GLTP: variants seen among roughly 807,000 people sequenced by gnomAD.
The protein encoded by GLTP is glycolipid transfer protein.
A neutral mutation model predicts 24.0 loss-of-function variants in GLTP; 22 were observed. That is an observed-to-expected ratio of 0.92 (90% CI 0.65 to 1.31). GLTP has a LOEUF of 1.31. GLTP is among the 50% of genes most tolerant of loss of function. GLTP has a pLI of 0.00. For synonymous variants in GLTP, 92 were observed against 115.9 expected (o/e 0.79, Z 1.33); for missense variants, 224 against 276.6 (o/e 0.81, Z 1.35).
intron 1 of GLTP, among the ~76,000 whole-genome samples, chr12:109,879,122 T>C (rs1318309893): frequency 6.6e-6 from 1 of 152,088 alleles, no homozygotes; most frequent in African/African-American, 2.4e-5. Flanking sequence ...ACCACAACCA[T>C]CCCAGAGCTC....
chr12:109,873,290 G>A (rs1868784309), intron 1 of GLTP, among the ~76,000 whole-genome samples: 1 of 152,142 alleles, frequency 6.6e-6, no homozygotes. Context: ...CAGATCAAGG[G>A]GTACAGGTGG....
intron 1 of GLTP, among the ~76,000 whole-genome samples, chr12:109,862,750 T>TA (rs944439783): frequency 7.2e-6 from 1 of 137,956 alleles, no homozygotes; most frequent in African/African-American, 3.1e-5. Context: ...ACTCCATCTC[T>TA]AAAAAAAAAT....
At chr12:109,876,224 T>C (rs1006595852) in intron 1 of GLTP, among the ~76,000 whole-genome samples, 4 of 152,068 alleles carry the variant, frequency 2.6e-5, no homozygotes, top group African/African-American at 9.7e-5. Flanking sequence ...GTGCCTGTAA[T>C]CCCAGCTACT....
chr12:109,852,528 C>T lies in GLTP; in HGVS notation c.*27G>A, dbSNP rs369749747. 15 of 1,499,636 alleles carry T rather than the reference C, an allele frequency of 1.0e-5. No homozygotes were observed. In the Middle Eastern group the frequency reaches 6.2e-4, roughly 62 times the overall value. 92.9% of individuals were successfully genotyped at this position (1,499,636 alleles called of 1,614,324 possible). A position where few individuals can be genotyped will look rare whatever the true frequency, so the allele number is the denominator to read the frequency against. ...CCTGTTTCTCCATGTGGCCACGAGT[C>T]GGGGACGTGTCCAGCAGTGGGCATG... On this transcript the variant is annotated 3_prime_UTR_variant, in exon 5 of 5. Transcript: ENST00000318348.
At chr12:109,865,581 T>C (rs1168505631) in intron 1 of GLTP, among the ~76,000 whole-genome samples, 1 of 151,694 alleles carries the variant, frequency 6.6e-6, no homozygotes, top group Non-Finnish European at 1.5e-5. Context: ...TGAGTTGAGA[T>C]TGCGCGTGAG....
Position 109,880,331 on chromosome 12 carries a change from T to C in GLTP, c.44A>G (p.Asp15Gly). Residue 15 changes from aspartate (D) to glycine (G), a missense_variant, in exon 1 of 5, where the codon GAC (aspartate) becomes GGC (glycine). Physicochemically the swap from Asp to Gly is moderately conservative, Grantham distance 94 (BLOSUM62 -1). Coordinates refer to ENST00000318348, the MANE Select transcript of GLTP (RefSeq NM_016433.4). The surrounding 1 kb of genome is among the most constrained non-coding windows in gnomAD (Gnocchi z 5.1). ...AEHLLKPLPA[D>G]KQIETGPFLE... is the part of the protein sequence containing the mutation. ...GAAGGGCCCGGTCTCGATCTGCTTG[T>C]CCGCGGGCAGCGGCTTCAGCAAGTG... 4.4e-6 allele frequency: 7 copies of C among 1,578,950 alleles called. No homozygotes were observed. The highest frequency in any genetic ancestry group is 5.2e-6 in the Non-Finnish European group (6 of 1,161,842).
chr12:109,857,739 C>G lies in GLTP; in HGVS notation c.163-80G>C. Reference sequence around the variant, plus strand: ...GGCCCGCACGCTGGGTGAAAAGCACCCTACCGGCATCTCCTGCTCCTTCCT... The same window carrying G: ...GGCCCGCACGCTGGGTGAAAAGCACGCTACCGGCATCTCCTGCTCCTTCCT... On this transcript the variant is annotated intron_variant, in intron 2 of 4. Coordinates refer to ENST00000318348, the MANE Select transcript of GLTP (RefSeq NM_016433.4). The surrounding 1 kb of genome is among the most constrained non-coding windows in gnomAD (Gnocchi z 4.3). 2 of 1,436,292 alleles carry G rather than the reference C, an allele frequency of 1.4e-6. No individual in the cohort carries two copies. The highest frequency in any genetic ancestry group is 4.5e-5 in the East Asian group (2 of 44,074). The allele number at this position is 1,436,292 out of a possible 1,614,324, so 89.0% of individuals were successfully genotyped here.
intron 1 of GLTP, among the ~76,000 whole-genome samples, chr12:109,867,225 T>C (rs1236915560): frequency 6.6e-6 from 1 of 152,026 alleles, no homozygotes; most frequent in Non-Finnish European, 1.5e-5. Context: ...CTCGGCTCAC[T>C]GCAACCTCCG....
intron 1 of GLTP, among the ~76,000 whole-genome samples, chr12:109,879,105 C>A (rs1868977290): frequency 6.6e-6 from 1 of 152,134 alleles, no homozygotes; most frequent in African/African-American, 2.4e-5. Context: ...ACTATAGCCT[C>A]CAGGTAACCA....
At chr12:109,854,036 C>T (rs1021691284) in intron 4 of GLTP, among the ~76,000 whole-genome samples, 29 of 151,488 alleles carry the variant, frequency 1.9e-4, no homozygotes, top group African/African-American at 5.3e-4. Context: ...TGAGCCACCG[C>T]GCCTGGCCAA....
At chr12:109,871,921 C>T (rs190389205) in intron 1 of GLTP, among the ~76,000 whole-genome samples, 20 of 152,338 alleles carry the variant, frequency 1.3e-4, no homozygotes, top group Admixed American at 1.3e-3. Context: ...TCCCTCCAAG[C>T]ATCCCTGTGC....
rs1892818423 is a variant in GLTP, at chr12:109,857,748, A to G, written c.163-89T>C. ...GCTGGGTGAAAAGCACCCTACCGGC[A>G]TCTCCTGCTCCTTCCTGCCCTCCAG... On this transcript the variant is annotated intron_variant, in intron 2 of 4. Transcript: ENST00000318348. The surrounding 1 kb of genome is among the most constrained non-coding windows in gnomAD (Gnocchi z 4.3). The G allele has an allele frequency of 1.5e-6, 2 of 1,314,880 alleles. No homozygotes were observed. The allele number at this position is 1,314,880 out of a possible 1,614,324, so 81.5% of individuals were successfully genotyped here. A position where few individuals can be genotyped will look rare whatever the true frequency, so the allele number is the denominator to read the frequency against.
chr12:109,854,870 C>G (rs1437973508), intron 4 of GLTP, among the ~76,000 whole-genome samples: 1 of 152,212 alleles, frequency 6.6e-6, no homozygotes, highest in African/African-American at 2.4e-5. Context: ...TCTGCCCCAG[C>G]CTGCTTGCAG....
At chr12:109,854,365 CAA>C (rs34720686) in intron 4 of GLTP, among the ~76,000 whole-genome samples, 27 of 97,584 alleles carry the variant, frequency 2.8e-4, no homozygotes, top group East Asian at 3.7e-4. Context: ...GACCCTGTCT[CAA>C]AAAAAAAAAA....
chr12:109,876,759 C>T (rs972461759), intron 1 of GLTP, among the ~76,000 whole-genome samples: 1 of 151,536 alleles, frequency 6.6e-6, no homozygotes, highest in Non-Finnish European at 1.5e-5. Context: ...GTAGAAAAAG[C>T]AGGTTATACT....
chr12:109,864,487 C>T (rs571676843), intron 1 of GLTP, among the ~76,000 whole-genome samples: 1 of 152,306 alleles, frequency 6.6e-6, no homozygotes, highest in South Asian at 2.1e-4. Context: ...CCCAGAGGTG[C>T]TATGCAAACA....
rs1892734863 is a variant in GLTP, at chr12:109,852,295, A to G, written c.*260T>C. ...TTTTACCACGCTGAAATGAAGGTATAAAGTCAGTCTGTGCTGTCGTGAAAT... is the reference window on the plus strand; with the variant it reads ...TTTTACCACGCTGAAATGAAGGTATGAAGTCAGTCTGTGCTGTCGTGAAAT... On this transcript the variant is annotated 3_prime_UTR_variant, in exon 5 of 5. Transcript: ENST00000318348. The G allele has an allele frequency of 8.2e-6, 3 of 366,582 alleles. No homozygotes were observed. The highest frequency in any genetic ancestry group is 1.5e-5 in the Non-Finnish European group (3 of 204,188). 22.7% of individuals were successfully genotyped at this position (366,582 alleles called of 1,614,324 possible). A position where few individuals can be genotyped will look rare whatever the true frequency, so the allele number is the denominator to read the frequency against.
Position 109,857,556 on chromosome 12 carries a change from C to T in GLTP, c.266G>A (p.Gly89Glu). 1 of 1,613,888 alleles carries T rather than the reference C, an allele frequency of 6.2e-7. No homozygotes were observed. Among genetic ancestry groups the T allele is most frequent in the Non-Finnish European group, 8.5e-7 (1 of 1,180,002 alleles). Residue 89 changes from glycine (G) to glutamate (E), a missense_variant, in exon 3 of 5, where the codon GGG (glycine) becomes GAG (glutamate). Coordinates refer to ENST00000318348, the MANE Select transcript of GLTP (RefSeq NM_016433.4). This position sits in a 1 kb window ranked among gnomAD's most constrained non-coding sequence, Gnocchi z 4.3. ...CAGCCACATCAGCGCCAGTGTGGCC[C>T]CTACTTTGGGCCACTCTGCTCCATA... ...EMYGAEWPKV[G>E]ATLALMWLKR...
chr12:109,877,015 G>A (rs1465288180), intron 1 of GLTP, among the ~76,000 whole-genome samples: 1 of 152,134 alleles, frequency 6.6e-6, no homozygotes, highest in East Asian at 1.9e-4. Flanking sequence ...TCAACACCCA[G>A]CTAATTTTCT....
Sources: gnomAD v4.1 joint callset for allele counts (sites outside exome capture counted in the v4.1 genomes callset) on GRCh38, gnomAD v4.1.1 for gene constraint, Gnocchi (gnomAD v3.1) non-coding constraint, MANE v1.5 for transcripts, NCBI Gene and HGNC (gene_info 2026-07-23, HGNC 2026-07-21) for gene names.